The following FYN variants were observed in gnomAD, a reference collection of about 807,000 sequenced individuals.
The protein encoded by FYN is FYN proto-oncogene, Src family tyrosine kinase, also known as tyrosine-protein kinase Fyn.
A neutral mutation model predicts 70.2 loss-of-function variants in FYN; 10 were observed. The ratio of observed to expected loss-of-function variants is 0.14; its 90% CI spans 0.09 to 0.24. The LOEUF (loss-of-function observed/expected upper bound fraction) is 0.24, where lower values mean the gene tolerates loss of function less well. Ranked by LOEUF, FYN falls within the 10% of genes least tolerant of loss-of-function variation. FYN has a pLI of 1.00. For synonymous variants in FYN, 236 were observed against 248.6 expected (o/e 0.95, Z 0.48); for missense variants, 319 against 673.1 (o/e 0.47, Z 5.82).
At chr6:111,847,161 C>T (rs1350356634) in intron 1 of FYN, among the ~76,000 whole-genome samples, 1 of 152,220 alleles carries the variant, frequency 6.6e-6, no homozygotes, top group Non-Finnish European at 1.5e-5. Context: ...CTGGGGTTCC[C>T]CTCTGCAGGA....
At chr6:111,745,189 T>C (rs1226804229) in intron 3 of FYN, among the ~76,000 whole-genome samples, 4 of 152,196 alleles carry the variant, frequency 2.6e-5, no homozygotes, top group African/African-American at 7.2e-5. Flanking sequence ...GCAAATACTA[T>C]GTATCCAAGC....
intron 2 of FYN, chr6:111,814,208 T>A (rs1006534398): frequency 1.1e-4 from 17 of 152,190 alleles, no homozygotes; most frequent in African/African-American, 3.6e-4. Context: ...TTCAACATTT[T>A]AGAAATAGGT....
chr6:111,802,577 G>A (rs1481328942), intron 2 of FYN, among the ~76,000 whole-genome samples: 5 of 151,994 alleles, frequency 3.3e-5, no homozygotes, highest in Non-Finnish European at 7.4e-5. Flanking sequence ...GACTACAGGT[G>A]CCTGCTATCA....
chr6:111,811,697 G>A (rs986395837), intron 2 of FYN, among the ~76,000 whole-genome samples: 3 of 152,132 alleles, frequency 2.0e-5, no homozygotes, highest in Admixed American at 6.5e-5. Context: ...ATACTGGCTA[G>A]GAACCTACAA....
intron 9 of FYN, among the ~76,000 whole-genome samples, chr6:111,698,359 C>T (rs923564529): frequency 6.6e-6 from 1 of 152,160 alleles, no homozygotes; most frequent in Non-Finnish European, 1.5e-5. Flanking sequence ...TCTCAAACTC[C>T]TGACCTCAGG....
At chr6:111,765,021 G>A (rs1034281501) in intron 3 of FYN, among the ~76,000 whole-genome samples, 4 of 151,926 alleles carry the variant, frequency 2.6e-5, no homozygotes, top group South Asian at 2.1e-4. Context: ...GGGATCATGC[G>A]GAGGCAGCTA....
intron 2 of FYN, among the ~76,000 whole-genome samples, chr6:111,804,636 A>G (rs1772093481): frequency 6.6e-6 from 1 of 152,216 alleles, no homozygotes; most frequent in Non-Finnish European, 1.5e-5. Context: ...TCACTGGGGT[A>G]TAACACATAA....
intron 2 of FYN, among the ~76,000 whole-genome samples, chr6:111,839,469 G>T (rs1033258420): frequency 1.2e-4 from 18 of 152,120 alleles, no homozygotes; most frequent in African/African-American, 4.3e-4. Flanking sequence ...GTGACTCGAT[G>T]AGAGATGTAA....
intron 12 of FYN, among the ~76,000 whole-genome samples, chr6:111,690,716 C>T (rs1188201678): frequency 6.6e-6 from 1 of 152,144 alleles, no homozygotes; most frequent in East Asian, 1.9e-4. Context: ...TTAATCTTTG[C>T]AAAAATGCAT....
intron 1 of FYN, among the ~76,000 whole-genome samples, chr6:111,870,073 T>C (rs1295584229): frequency 6.6e-6 from 1 of 152,224 alleles, no homozygotes; most frequent in African/African-American, 2.4e-5. Context: ...TCAATAAAAA[T>C]ACATTTATTC....
At chr6:111,777,357 C>CTTTTTTTTTTTTTTTTTTTTTTTTTT (rs1562517057) in intron 3 of FYN, among the ~76,000 whole-genome samples, 5 of 152,052 alleles carry the variant, frequency 3.3e-5, no homozygotes, top group African/African-American at 1.2e-4. Flanking sequence ...AAGATATTTC[C>CTTTTTTTTTTTTTTTTTTTTTTTTTT]ATTTTTAAAC....
intron 2 of FYN, among the ~76,000 whole-genome samples, chr6:111,815,171 C>A (rs1772446391): frequency 6.6e-6 from 1 of 151,702 alleles, no homozygotes; most frequent in Admixed American, 6.6e-5. Context: ...AGAGCAGACA[C>A]CTATTCAGGC....
At chr6:111,749,481 C>T (rs1019334675) in intron 3 of FYN, among the ~76,000 whole-genome samples, 9 of 152,174 alleles carry the variant, frequency 5.9e-5, no homozygotes, top group Non-Finnish European at 1.2e-4. Flanking sequence ...AACTTAAATG[C>T]ACCTTAATAA....
chr6:111,785,064 T>C (rs1771313614), intron 2 of FYN, among the ~76,000 whole-genome samples: 1 of 152,212 alleles, frequency 6.6e-6, no homozygotes, highest in African/African-American at 2.4e-5. Flanking sequence ...GGGGTTAGGT[T>C]TGTTGTATTG....
At chr6:111,736,879 C>T (rs184605195) in intron 3 of FYN, among the ~76,000 whole-genome samples, 3 of 152,288 alleles carry the variant, frequency 2.0e-5, no homozygotes, top group Admixed American at 1.3e-4. Flanking sequence ...AATAAAAATA[C>T]TGCTAACAAT....
chr6:111,773,564 GA>G (rs1803566572), intron 3 of FYN, among the ~76,000 whole-genome samples: 3 of 66,886 alleles, frequency 4.5e-5, no homozygotes, highest in African/African-American at 6.5e-5. Flanking sequence ...GCAGAGGAGG[GA>G]GAGGGAGAGG....
chr6:111,718,287 T>C (rs1227497071), intron 4 of FYN, among the ~76,000 whole-genome samples: 1 of 152,144 alleles, frequency 6.6e-6, no homozygotes, highest in Non-Finnish European at 1.5e-5. Context: ...GAAGGCAGTA[T>C]TGGGAGAAAG....
At chr6:111,774,402 T>C (rs1366956506) in intron 3 of FYN, among the ~76,000 whole-genome samples, 1 of 152,158 alleles carries the variant, frequency 6.6e-6, no homozygotes, top group Non-Finnish European at 1.5e-5. Flanking sequence ...CTCAGAGCAG[T>C]GTTTCTCCAT....
chr6:111,701,785 T>C (rs1205775229), intron 8 of FYN, among the ~76,000 whole-genome samples: 2 of 152,216 alleles, frequency 1.3e-5, no homozygotes, highest in African/African-American at 4.8e-5. Context: ...AGATATTTTG[T>C]TCCATTTCTC....
Sources: allele counts gnomAD v4.1 joint callset (sites outside exome capture counted in the v4.1 genomes callset), GRCh38; gene constraint gnomAD v4.1.1; transcripts MANE v1.5; gene names NCBI Gene and HGNC (gene_info 2026-07-23, HGNC 2026-07-21).